SKA2: variants seen among roughly 807,000 people sequenced by gnomAD.
SKA2 encodes the protein spindle and kinetochore associated complex subunit 2, also known as spindle and kinetochore-associated protein 2.
SKA2 carries 13 observed loss-of-function variants against 16.9 expected under a neutral mutation model. The ratio of observed to expected loss-of-function variants is 0.77; its 90% CI spans 0.50 to 1.22. The LOEUF is 1.22. Ranked by LOEUF, SKA2 falls within the 50% of genes most tolerant of loss-of-function variation. The probability of loss-of-function intolerance (pLI) is 0.00; values close to 1 mark genes in which losing one functional copy is unlikely to be tolerated. For missense variants in SKA2, 107 were observed against 139.7 expected (o/e 0.77, Z 1.18); for synonymous variants, 47 against 48.5 (o/e 0.97, Z 0.13).
chr17:59,152,907 GA>G (rs1165815741), intron 1 of SKA2, among the ~76,000 whole-genome samples: 1 of 149,930 alleles, frequency 6.7e-6, no homozygotes, highest in East Asian at 1.9e-4. Context: ...TGTAAGAAAG[GA>G]AAAAAACCTC....
intron 1 of SKA2, among the ~76,000 whole-genome samples, chr17:59,135,758 T>C (rs1011539789): frequency 2.0e-5 from 3 of 149,036 alleles, no homozygotes; most frequent in African/African-American, 7.3e-5. Context: ...AAAAATATAT[T>C]TTTAAAATAT....
At chr17:59,148,825 A>G (rs1242201517) in intron 1 of SKA2, among the ~76,000 whole-genome samples, 1 of 150,712 alleles carries the variant, frequency 6.6e-6, no homozygotes, top group East Asian at 1.9e-4. Context: ...AAAAAAAAAA[A>G]AAAAAGAAAA....
At chr17:59,125,824 G>T (rs1321539667) in intron 2 of SKA2, among the ~76,000 whole-genome samples, 1 of 151,984 alleles carries the variant, frequency 6.6e-6, no homozygotes, top group Non-Finnish European at 1.5e-5. Flanking sequence ...AAAAGGAAAT[G>T]AATTATACTA....
chr17:59,131,353 C>G lies in SKA2; in HGVS notation c.48G>C (p.Glu16Asp), dbSNP rs746771947. 6.4e-7 allele frequency: 1 copy of G among 1,562,488 alleles called. No homozygotes were observed. Among genetic ancestry groups the G allele is most frequent in the Non-Finnish European group, 8.7e-7 (1 of 1,150,678 alleles). ...TGTATTGAATGTAATCCAGATCAGA[C>G]TCAGCTTTCTGGAACTAAAGATCAG... ...DKLELMFQKA[E>D]SDLDYIQYRL... is the part of the protein sequence containing the mutation. The change falls in exon 2 of 4, where the codon GAG becomes GAC. Residue 16 changes from glutamate to aspartate, a missense_variant. Transcript: ENST00000330137.
Position 59,119,301 on chromosome 17 carries a change from G to C in SKA2, c.297+18C>G, listed in dbSNP as rs539917772. The C allele has an allele frequency of 1.1e-5, 17 of 1,612,010 alleles. No homozygotes were observed. In the South Asian group the frequency reaches 1.9e-4, roughly 18 times the overall value. On this transcript the variant is annotated intron_variant, in intron 3 of 3. Coordinates refer to ENST00000330137, the MANE Select transcript of SKA2 (RefSeq NM_182620.4). The stretch of plus-strand genomic sequence containing the variant: ...AGCTAAAGCTAAACAAATCTAACCT[G>C]TCAACTGAAAGCATTACCTCCAGGT...
In SKA2 at chr17:59,136,654, T is replaced by C. The variant is rs539703360; in HGVS notation, c.34-5287A>G. Among the ~76,000 whole-genome samples, 1,088 of 152,138 alleles carry C rather than the reference T, an allele frequency of 7.2e-3. 8 individuals are homozygous for C. The highest frequency in any genetic ancestry group is 0.025 in the African/African-American group (1,018 of 41,496). Reference sequence around the variant, plus strand: ...ACCTCCACTTCCCGGGTTCAAGCGATTCTCCTGCCTCATCCTCCCGAGCGG... The same window carrying C: ...ACCTCCACTTCCCGGGTTCAAGCGACTCTCCTGCCTCATCCTCCCGAGCGG... On this transcript the variant is annotated intron_variant, in intron 1 of 3. Coordinates refer to ENST00000330137, the MANE Select transcript of SKA2 (RefSeq NM_182620.4).
At chr17:59,125,176 G>A (rs1251399091) in intron 2 of SKA2, among the ~76,000 whole-genome samples, 1 of 136,498 alleles carries the variant, frequency 7.3e-6, no homozygotes, top group Non-Finnish European at 1.6e-5. Context: ...TTTTAGTAGA[G>A]ATGGGGTTTC....
chr17:59,154,181 A>G (rs994640194), intron 1 of SKA2, among the ~76,000 whole-genome samples: 3 of 151,666 alleles, frequency 2.0e-5, no homozygotes, highest in African/African-American at 7.3e-5. Flanking sequence ...GGAAAAAAAA[A>G]AAAAAAGAAA....
At chr17:59,148,220 A>G (rs1438312287) in intron 1 of SKA2, among the ~76,000 whole-genome samples, 1 of 152,162 alleles carries the variant, frequency 6.6e-6, no homozygotes, top group Non-Finnish European at 1.5e-5. Flanking sequence ...TCGAGAGAAA[A>G]TTTTAGAGAC....
chr17:59,154,360 C>G (rs1399719281), intron 1 of SKA2, among the ~76,000 whole-genome samples: 3 of 152,062 alleles, frequency 2.0e-5, no homozygotes, highest in Non-Finnish European at 2.9e-5. Context: ...AGCCCCCCAG[C>G]TGGGCGCCCC....
At chr17:59,149,133 CT>C (rs35119385) in intron 1 of SKA2, among the ~76,000 whole-genome samples, 6 of 152,256 alleles carry the variant, frequency 3.9e-5, no homozygotes, top group East Asian at 1.9e-4. Flanking sequence ...ATCAAGCATA[CT>C]TTTTTTCCCC....
intron 1 of SKA2, among the ~76,000 whole-genome samples, chr17:59,138,824 A>T (rs1301360225): frequency 6.6e-6 from 1 of 152,152 alleles, no homozygotes; most frequent in Admixed American, 6.5e-5. Flanking sequence ...CAGCAAGGAG[A>T]AAAGAATATA....
chr17:59,128,742 G>T (rs1319808736), intron 2 of SKA2, among the ~76,000 whole-genome samples: 1 of 152,124 alleles, frequency 6.6e-6, no homozygotes, highest in Admixed American at 6.6e-5. Context: ...ACAGAAAGTA[G>T]ATTCGTCTTT....
chr17:59,139,396 C>CA (rs113246125), intron 1 of SKA2, among the ~76,000 whole-genome samples: 2,378 of 48,960 alleles, frequency 0.049, 125 homozygotes, highest in African/African-American at 0.098. Flanking sequence ...GACTCCGTCT[C>CA]AAAAAAAAAA....
At chr17:59,122,715 G>A (rs1229308130) in intron 2 of SKA2, among the ~76,000 whole-genome samples, 1 of 152,168 alleles carries the variant, frequency 6.6e-6, no homozygotes, top group African/African-American at 2.4e-5. Flanking sequence ...ACTTGGGCCT[G>A]GGAGGCAGAT....
intron 1 of SKA2, among the ~76,000 whole-genome samples, chr17:59,147,377 G>GACACACACACACACACACACACACAC (rs57098353): frequency 1.9e-4 from 26 of 138,216 alleles, no homozygotes; most frequent in African/African-American, 6.8e-4. Context: ...TTATATATAA[G>GACACACACACACACACACACACACAC]ACACACACAC....
At chr17:59,123,325 G>A (rs2046349304) in intron 2 of SKA2, among the ~76,000 whole-genome samples, 1 of 147,362 alleles carries the variant, frequency 6.8e-6, no homozygotes, top group East Asian at 2.0e-4. Context: ...TTGGGAAGCT[G>A]AAGCGGGTGG....
intron 1 of SKA2, among the ~76,000 whole-genome samples, chr17:59,146,047 C>T (rs2046529926): frequency 1.3e-5 from 2 of 151,560 alleles, no homozygotes; most frequent in African/African-American, 2.4e-5. Context: ...CTTTTATCTA[C>T]AATTAGGCAA....
chr17:59,122,943 G>A (rs988249205), intron 2 of SKA2, among the ~76,000 whole-genome samples: 1 of 149,544 alleles, frequency 6.7e-6, no homozygotes, highest in Non-Finnish European at 1.5e-5. Context: ...TTTTTGTAGA[G>A]ATGGGGCTTC....
Sources: gnomAD v4.1 joint callset for allele counts (sites outside exome capture counted in the v4.1 genomes callset) on GRCh38, gnomAD v4.1.1 for gene constraint, MANE v1.5 for transcripts, NCBI Gene and HGNC (gene_info 2026-07-23, HGNC 2026-07-21) for gene names.